NRG1: variants seen among roughly 807,000 people sequenced by gnomAD.
NRG1 encodes the protein neuregulin 1.
NRG1 carries 18 observed loss-of-function variants against 63.8 expected under a neutral mutation model. That is an observed-to-expected ratio of 0.28 (90% confidence interval 0.19 to 0.42). NRG1 has a LOEUF of 0.42. Ranked by LOEUF, NRG1 falls within the 10% of genes least tolerant of loss-of-function variation. The probability of loss-of-function intolerance (pLI) is 1.00; values close to 1 mark genes in which losing one functional copy is unlikely to be tolerated. For missense variants in NRG1, 762 were observed against 814.7 expected (o/e 0.94, Z 0.79); for synonymous variants, 302 against 301.3 (o/e 1.00, Z -0.02).
chr8:32,280,576 G>C (rs1049708939), intron 1 of NRG1, among the ~76,000 whole-genome samples: 2 of 151,862 alleles, frequency 1.3e-5, no homozygotes, highest in Non-Finnish European at 2.9e-5. Flanking sequence ...CGTAGAGGGA[G>C]AGTAGTTATT....
At chr8:32,049,381 G>T (rs915120574) in intron 1 of NRG1, among the ~76,000 whole-genome samples, 3 of 152,120 alleles carry the variant, frequency 2.0e-5, no homozygotes, top group African/African-American at 4.8e-5. Context: ...CTTTCAGTGA[G>T]AATTGAGAGC....
chr8:31,831,133 A>T (rs1231864708), intron 1 of NRG1, among the ~76,000 whole-genome samples: 2 of 150,388 alleles, frequency 1.3e-5, no homozygotes, highest in Admixed American at 1.3e-4. Flanking sequence ...ACAGAGTCTC[A>T]CTCTATCACC....
At chr8:32,481,220 G>A (rs767636800) in intron 1 of NRG1, among the ~76,000 whole-genome samples, 9 of 151,876 alleles carry the variant, frequency 5.9e-5, no homozygotes, top group Admixed American at 1.3e-4. Flanking sequence ...GGGGTGCACA[G>A]GTAGTCCCAG....
chr8:32,202,512 G>A (rs1435968004), intron 1 of NRG1, among the ~76,000 whole-genome samples: 2 of 152,148 alleles, frequency 1.3e-5, no homozygotes, highest in Non-Finnish European at 2.9e-5. Context: ...TCAGTGAAAA[G>A]TCAGTGTGAC....
chr8:31,834,301 ACG>A (rs1554546982), intron 1 of NRG1, among the ~76,000 whole-genome samples: 11 of 145,532 alleles, frequency 7.6e-5, no homozygotes, highest in African/African-American at 2.7e-4. Flanking sequence ...GTGTGCGCGC[ACG>A]CGCGCACACA....
At chr8:32,771,715 A>ATATATATATATAT (rs1554673081), downstream of NRG1, among the ~76,000 whole-genome samples, 1 of 111,848 alleles carries the variant, frequency 8.9e-6, no homozygotes, top group Admixed American at 9.4e-5. Context: ...TTAAAAAAAA[A>ATATATATATATAT]ATATATATAT....
chr8:32,439,200 A>G (rs544346881), intron 1 of NRG1, among the ~76,000 whole-genome samples: 22 of 152,190 alleles, frequency 1.4e-4, no homozygotes, highest in Non-Finnish European at 2.9e-4. Flanking sequence ...AGATTCCTAA[A>G]TTATAAATTA....
At chr8:31,862,135 A>AT (rs1041811540) in intron 1 of NRG1, among the ~76,000 whole-genome samples, 2 of 152,154 alleles carry the variant, frequency 1.3e-5, no homozygotes, top group African/African-American at 2.4e-5. Flanking sequence ...AAAAACATGG[A>AT]TTTTTTACAA....
intron 1 of NRG1, among the ~76,000 whole-genome samples, chr8:32,283,885 G>A (rs1853187626): frequency 6.6e-6 from 1 of 152,100 alleles, no homozygotes; most frequent in African/African-American, 2.4e-5. Context: ...TGGATGCTTA[G>A]AAAAAATTCC....
intron 1 of NRG1, among the ~76,000 whole-genome samples, chr8:32,292,706 G>A (rs1247614563): frequency 6.6e-6 from 1 of 152,194 alleles, no homozygotes; most frequent in African/African-American, 2.4e-5. Flanking sequence ...GACACTGAAC[G>A]AGGAGTAAAA....
At chr8:32,690,462 G>A (rs1036861409) in intron 5 of NRG1, among the ~76,000 whole-genome samples, 5 of 152,104 alleles carry the variant, frequency 3.3e-5, no homozygotes, top group African/African-American at 1.2e-4. Flanking sequence ...CTCCAGAGAT[G>A]TATGCCATAA....
rs1024890237 is a variant in NRG1, at chr8:32,728,398, G to T, written c.632+320G>T. Reference sequence around the variant, plus strand: ...AGAAAAGATGTGCAGATATCACAGAGGCCTATAACTTTTGGTATCTACTTC... The same window carrying T: ...AGAAAAGATGTGCAGATATCACAGATGCCTATAACTTTTGGTATCTACTTC... On this transcript the variant is annotated intron_variant, in intron 6 of 11. Transcript: ENST00000356819. The T allele has an allele frequency of 1.4e-5, 14 of 985,068 alleles. No homozygotes were observed. In the South Asian group the frequency reaches 6.6e-4, roughly 46 times the overall value. 61.0% of individuals were successfully genotyped at this position (985,068 alleles called of 1,614,324 possible). A position where few individuals can be genotyped will look rare whatever the true frequency, so the allele number is the denominator to read the frequency against.
intron 1 of NRG1, among the ~76,000 whole-genome samples, chr8:31,716,450 A>G (rs765489740): frequency 6.6e-6 from 1 of 152,216 alleles, no homozygotes; most frequent in Non-Finnish European, 1.5e-5. Flanking sequence ...CATTAACAAT[A>G]TGTGCTTAAT....
rs528756055 is a variant in NRG1, at chr8:32,010,134, C to T, written c.37+370703C>T. Among the ~76,000 whole-genome samples, 201 of 152,082 alleles carry T rather than the reference C, an allele frequency of 1.3e-3. 2 individuals are homozygous for T. In the South Asian group the frequency reaches 0.039, roughly 30 times the overall value. ...ACAAGGCTCTTGCAACAATAGCTTG[C>T]GTCTTATTCTTAATTACTTCATACC... On this transcript the variant is annotated intron_variant, in intron 1 of 10. Transcript: ENST00000519301.
chr8:32,684,552 C>T (rs918375143), intron 5 of NRG1, among the ~76,000 whole-genome samples: 1 of 151,994 alleles, frequency 6.6e-6, no homozygotes, highest in Non-Finnish European at 1.5e-5. Context: ...ATTATTTTGC[C>T]TTCCTTTTTC....
At chr8:32,505,739 T>C (rs979238961) in intron 1 of NRG1, among the ~76,000 whole-genome samples, 10 of 152,180 alleles carry the variant, frequency 6.6e-5, no homozygotes, top group Admixed American at 2.6e-4. Flanking sequence ...CTGTGACACT[T>C]GGGAGGCAAT....
intron 1 of NRG1, among the ~76,000 whole-genome samples, chr8:32,583,399 C>T (rs1312202868): frequency 6.6e-6 from 1 of 152,094 alleles, no homozygotes; most frequent in Non-Finnish European, 1.5e-5. Flanking sequence ...TGTCTCCATT[C>T]TTTTTGATAG....
chr8:31,977,791 A>G (rs907245385), intron 1 of NRG1, among the ~76,000 whole-genome samples: 1 of 152,152 alleles, frequency 6.6e-6, no homozygotes, highest in African/African-American at 2.4e-5. Flanking sequence ...AAGAGTTTGA[A>G]CAACAGATTC....
chr8:32,188,041 A>T (rs1169077152), intron 1 of NRG1, among the ~76,000 whole-genome samples: 1 of 152,090 alleles, frequency 6.6e-6, no homozygotes, highest in East Asian at 1.9e-4. Context: ...ATAATGTCTT[A>T]TTCAGATATC....
Sources: gnomAD v4.1 joint callset for allele counts (sites outside exome capture counted in the v4.1 genomes callset) on GRCh38, gnomAD v4.1.1 for gene constraint, MANE v1.5 for transcripts, NCBI Gene and HGNC (gene_info 2026-07-23, HGNC 2026-07-21) for gene names.